CDYL: variants seen among roughly 807,000 people sequenced by gnomAD.
CDYL encodes chromodomain Y like, also known as chromodomain Y-like protein.
A neutral mutation model predicts 47.3 loss-of-function variants in CDYL; 8 were observed. The ratio of observed to expected loss-of-function variants is 0.17; its 90% CI spans 0.10 to 0.31. CDYL has a LOEUF of 0.31. Ranked by LOEUF, CDYL falls within the 10% of genes least tolerant of loss-of-function variation. The pLI is 1.00. For synonymous variants in CDYL, 266 were observed against 265.0 expected, an observed-to-expected ratio of 1.00 and a Z score of -0.04; for missense variants, 471 against 701.4, an observed-to-expected ratio of 0.67 and a Z score of 3.71.
chr6:4,858,512 A>C (rs1052939976), intron 1 of CDYL, among the ~76,000 whole-genome samples: 2 of 152,216 alleles, frequency 1.3e-5, no homozygotes, highest in Non-Finnish European at 2.9e-5. Context: ...ACGGAGCTTA[A>C]GGAACCTGCC....
intron 1 of CDYL, among the ~76,000 whole-genome samples, chr6:4,808,143 T>C (rs766657392): frequency 2.0e-5 from 3 of 152,134 alleles, no homozygotes; most frequent in Non-Finnish European, 4.4e-5. Context: ...GGGAGCACTG[T>C]TTCATTTTAT....
At chr6:4,784,919 T>G (rs1299540779) in intron 1 of CDYL, among the ~76,000 whole-genome samples, 3 of 147,606 alleles carry the variant, frequency 2.0e-5, no homozygotes, top group Non-Finnish European at 2.9e-5. Flanking sequence ...CAAGCTCTCT[T>G]GCCTGCCACC....
intron 3 of CDYL, among the ~76,000 whole-genome samples, chr6:4,742,341 C>G (rs1321679427): frequency 6.7e-6 from 1 of 148,530 alleles, no homozygotes; most frequent in African/African-American, 2.5e-5. Context: ...TGCACTCCAG[C>G]CTGGGTGACA....
intron 2 of CDYL, among the ~76,000 whole-genome samples, chr6:4,723,721 G>A (rs12211355): frequency 0.13 from 19,483 of 152,188 alleles, 1,525 homozygotes; most frequent in African/African-American, 0.23. Flanking sequence ...CACAGAGCAG[G>A]GCAGAGTGAG....
intron 1 of CDYL, among the ~76,000 whole-genome samples, chr6:4,848,269 G>A (rs1201858935): frequency 1.3e-5 from 2 of 152,250 alleles, no homozygotes; most frequent in African/African-American, 2.4e-5. Context: ...CTGAATGAGT[G>A]AACTCATGGT....
intron 3 of CDYL, among the ~76,000 whole-genome samples, chr6:4,755,423 C>T (rs909715794): frequency 2.0e-5 from 3 of 152,136 alleles, no homozygotes; most frequent in Non-Finnish European, 2.9e-5. Flanking sequence ...TTGTGTGATT[C>T]CCCAAATTCA....
intron 2 of CDYL, among the ~76,000 whole-genome samples, chr6:4,720,710 A>C (rs1257214325): frequency 6.6e-6 from 1 of 152,214 alleles, no homozygotes; most frequent in Non-Finnish European, 1.5e-5. Context: ...AATTAGTATT[A>C]AATGGCAGGA....
At chr6:4,838,485 T>C (rs1392509124) in intron 1 of CDYL, among the ~76,000 whole-genome samples, 1 of 152,248 alleles carries the variant, frequency 6.6e-6, no homozygotes, top group East Asian at 1.9e-4. Flanking sequence ...CATTATTTCA[T>C]TTCTTTTTAT....
At chr6:4,928,336 AT>A (rs532245683) in intron 2 of CDYL, among the ~76,000 whole-genome samples, 8 of 150,960 alleles carry the variant, frequency 5.3e-5, no homozygotes, top group Admixed American at 2.6e-4. Flanking sequence ...TGTTTATTCC[AT>A]TTTTTTTAAG....
At chr6:4,911,073 G>A (rs766960597) in intron 2 of CDYL, among the ~76,000 whole-genome samples, 4 of 152,126 alleles carry the variant, frequency 2.6e-5, no homozygotes, top group East Asian at 1.9e-4. Context: ...TGATCCACCC[G>A]CCTTGGCCTC....
chr6:4,786,042 G>A (rs998171024), intron 1 of CDYL, among the ~76,000 whole-genome samples: 3 of 152,204 alleles, frequency 2.0e-5, no homozygotes, highest in African/African-American at 7.2e-5. Context: ...GTAAGTGTAA[G>A]CGAAAAAATT....
intron 4 of CDYL, among the ~76,000 whole-genome samples, chr6:4,941,277 G>T (rs1341408677): frequency 6.6e-6 from 1 of 152,258 alleles, no homozygotes; most frequent in East Asian, 1.9e-4. Flanking sequence ...ACCGTCCCAG[G>T]CTTGAAGGCA....
intron 1 of CDYL, among the ~76,000 whole-genome samples, chr6:4,861,572 C>T (rs1459795263): frequency 6.6e-6 from 1 of 152,216 alleles, no homozygotes; most frequent in Non-Finnish European, 1.5e-5. Context: ...AATCCTAAGA[C>T]ATAGTCCACG....
At chr6:4,769,679 G>T (rs1758307327) in intron 3 of CDYL, among the ~76,000 whole-genome samples, 2 of 152,172 alleles carry the variant, frequency 1.3e-5, no homozygotes, top group South Asian at 4.1e-4. Context: ...TGCCCACGGG[G>T]TGCTGGGCAC....
At chr6:4,709,975 C>T (rs1227162281) in intron 1 of CDYL, among the ~76,000 whole-genome samples, 1 of 152,124 alleles carries the variant, frequency 6.6e-6, no homozygotes, top group Non-Finnish European at 1.5e-5. Flanking sequence ...AATCTCAGCA[C>T]TTTGGGAGGC....
At chr6:4,813,351 G>T (rs1484408664) in intron 1 of CDYL, among the ~76,000 whole-genome samples, 4 of 152,218 alleles carry the variant, frequency 2.6e-5, no homozygotes, top group Non-Finnish European at 5.9e-5. Flanking sequence ...ATCCAGATTT[G>T]CTGGCGAAGA....
At chr6:4,829,221 TG>T (rs1229726154) in intron 1 of CDYL, among the ~76,000 whole-genome samples, 8 of 152,218 alleles carry the variant, frequency 5.3e-5, no homozygotes, top group African/African-American at 7.2e-5. Context: ...TTTTCTTCCT[TG>T]TTTTGCTGGG....
At chr6:4,853,196 C>G (rs916835620) in intron 1 of CDYL, among the ~76,000 whole-genome samples, 3 of 152,166 alleles carry the variant, frequency 2.0e-5, no homozygotes, top group Non-Finnish European at 4.4e-5. Context: ...CAGTTGATGA[C>G]AGTAATTCCG....
intron 6 of CDYL, among the ~76,000 whole-genome samples, chr6:4,953,190 C>T (rs1467713569): frequency 6.6e-6 from 1 of 151,778 alleles, no homozygotes; most frequent in East Asian, 2.0e-4. Context: ...TGGAGACCAG[C>T]CTGGCCAACA....
Sources: allele counts gnomAD v4.1 joint callset (sites outside exome capture counted in the v4.1 genomes callset), GRCh38; gene constraint gnomAD v4.1.1; transcripts MANE v1.5; gene names NCBI Gene and HGNC (gene_info 2026-07-23, HGNC 2026-07-21).